Variants in PKD2L2 observed in about 807,000 individuals in gnomAD.
PKD2L2 encodes the protein polycystin-2-like protein 2.
PKD2L2 carries 67 observed loss-of-function variants against 83.9 expected under a neutral mutation model. The ratio of observed to expected loss-of-function variants is 0.80; its 90% CI spans 0.66 to 0.98. The LOEUF (loss-of-function observed/expected upper bound fraction) is 0.98. Ranked by LOEUF, PKD2L2 falls within the 50% of genes least tolerant of loss-of-function variation. The pLI, the probability that PKD2L2 is intolerant of heterozygous loss-of-function variation, is 0.00. For missense variants in PKD2L2, 632 were observed against 717.2 expected (o/e 0.88, Z 1.36); for synonymous variants, 223 against 237.8 (o/e 0.94, Z 0.57).
chr5:137,925,153 A>G, intron 11 of PKD2L2, 49 bp downstream of exon 11: 2 of 1,111,738 alleles, frequency 1.8e-6, no homozygotes, highest in Admixed American at 1.8e-5. Context: ...AAAGTTCCAC[A>G]TTATATGAGA....
At chr5:137,940,321 T>G (rs767602915) in intron 14 of PKD2L2, 2 of 1,606,092 alleles carry the variant, frequency 1.2e-6, no homozygotes, top group Non-Finnish European at 1.7e-6. Context: ...CCTCAAGCAC[T>G]GGAACACGAT....
At position 137,906,763 on chromosome 5, in the gene PKD2L2, G is replaced by A. The variant is rs1757405350; in HGVS notation, c.975+329G>A. On this transcript the variant is annotated intron_variant, in intron 6 of 14. Coordinates refer to ENST00000508883, the MANE Select transcript of PKD2L2 (RefSeq NM_001300921.2). Reference sequence around the variant, plus strand: ...CAGGGCCTTGAGTTTCACCAGTCACGGGTCTTTGGGGGCAAGGTTGTTTAA... The same window carrying A: ...CAGGGCCTTGAGTTTCACCAGTCACAGGTCTTTGGGGGCAAGGTTGTTTAA... Among the ~76,000 whole-genome samples the A allele has an allele frequency of 7.9e-5, 6 of 76,212 alleles. No individual in the cohort carries two copies. The Admixed American group carries it at 9.3e-4, about 12-fold the overall frequency. 50.0% of individuals were successfully genotyped at this position (76,212 alleles called of 152,430 possible).
rs745408669 is a variant in PKD2L2 at position 137,923,452 on chromosome 5, T to C, written c.1482T>C (p.Tyr494=). Residue 494 remains tyrosine, a synonymous_variant, in exon 10 of 15, where the codon TAT becomes TAC. Coordinates refer to ENST00000508883, the MANE Select transcript of PKD2L2 (RefSeq NM_001300921.2). ...TCTTGGCAATTATTAATGATACCTA[T>C]TCTGAAGTGAAAGCTGACTATTCAA... ...NMFLAIINDT[Y]SEVKADYSIG... The C allele has an allele frequency of 7.1e-6, 11 of 1,544,164 alleles. No individual in the cohort carries two copies. Among genetic ancestry groups the C allele is most frequent in the Non-Finnish European group, 8.1e-6 (9 of 1,116,522 alleles).
intron 12 of PKD2L2, among the ~76,000 whole-genome samples, chr5:137,926,908 T>C (rs192311362): frequency 3.3e-5 from 5 of 152,316 alleles, no homozygotes; most frequent in Non-Finnish European, 5.9e-5. Context: ...TGGTGTACTT[T>C]GGGGTCTTGG....
chr5:137,909,722 A>T (rs749110202), intron 8 of PKD2L2, among the ~76,000 whole-genome samples: 35 of 150,640 alleles, frequency 2.3e-4, no homozygotes, highest in Non-Finnish European at 4.0e-4. Context: ...TTTTGTAGAG[A>T]TAAGGTTTAG....
intron 14 of PKD2L2, chr5:137,941,894 T>A: frequency 7.0e-7 from 1 of 1,420,600 alleles, no homozygotes; most frequent in Non-Finnish European, 9.9e-7. Flanking sequence ...ATATGGTCAG[T>A]TTGTGAGTTA....
At chr5:137,892,835 C>T (rs972771829) in intron 3 of PKD2L2, among the ~76,000 whole-genome samples, 4 of 152,266 alleles carry the variant, frequency 2.6e-5, no homozygotes, top group East Asian at 1.9e-4. Context: ...TGGCCAGGCA[C>T]GGTGGCTCAT....
At chr5:137,897,569 G>A (rs1360067272) in intron 4 of PKD2L2, among the ~76,000 whole-genome samples, 1 of 152,084 alleles carries the variant, frequency 6.6e-6, no homozygotes, top group East Asian at 1.9e-4. Flanking sequence ...CTGGAATTGT[G>A]AATTAATATC....
intron 8 of PKD2L2, among the ~76,000 whole-genome samples, chr5:137,918,944 A>ATGTGTGTGTG: frequency 6.8e-6 from 1 of 146,324 alleles, no homozygotes; most frequent in East Asian, 2.0e-4. Context: ...GGCCTGCACA[A>ATGTGTGTGTG]TGTGTGTGTG....
At chr5:137,927,781 T>C (rs577078175) in intron 12 of PKD2L2, among the ~76,000 whole-genome samples, 1 of 152,314 alleles carries the variant, frequency 6.6e-6, no homozygotes, top group African/African-American at 2.4e-5. Flanking sequence ...CAGATAATTT[T>C]TGTATTTTTA....
chr5:137,926,123 C>T (rs1176235926), intron 12 of PKD2L2, among the ~76,000 whole-genome samples, 194 bp downstream of exon 12: 1 of 152,194 alleles, frequency 6.6e-6, no homozygotes, highest in African/African-American at 2.4e-5. Context: ...CTTCCTCTCT[C>T]CTACCTGTAC....
intron 5 of PKD2L2, among the ~76,000 whole-genome samples, chr5:137,902,947 A>G (rs1400771391): frequency 6.6e-6 from 1 of 152,238 alleles, no homozygotes; most frequent in East Asian, 1.9e-4. Flanking sequence ...AAAGTCTCCT[A>G]AATGATTCAG....
At chr5:137,925,571 T>A (rs750603910) in intron 11 of PKD2L2, among the ~76,000 whole-genome samples, 1 of 152,250 alleles carries the variant, frequency 6.6e-6, no homozygotes, top group Non-Finnish European at 1.5e-5. Flanking sequence ...TAAAAACATT[T>A]ACACACAATA....
At chr5:137,899,336 C>T (rs184153572) in intron 4 of PKD2L2, among the ~76,000 whole-genome samples, 180 bp from the exon 5 acceptor site, 162 of 152,246 alleles carry the variant, frequency 1.1e-3, no homozygotes, top group Admixed American at 4.7e-3. Flanking sequence ...AGGCTGGTCT[C>T]GAACTCCTGG....
chr5:137,895,900 A>G (rs1330301206), intron 4 of PKD2L2, among the ~76,000 whole-genome samples: 1 of 149,142 alleles, frequency 6.7e-6, no homozygotes, highest in Non-Finnish European at 1.5e-5. Flanking sequence ...AAAAAGGCCA[A>G]GTGTGGTGGC....
At chr5:137,900,481 T>C (rs1756861841) in intron 5 of PKD2L2, among the ~76,000 whole-genome samples, 1 of 152,234 alleles carries the variant, frequency 6.6e-6, no homozygotes, top group Admixed American at 6.5e-5. Flanking sequence ...GTTGAATTAC[T>C]TGATATGTAT....
chr5:137,927,540 A>G (rs192254275), intron 12 of PKD2L2, among the ~76,000 whole-genome samples: 28 of 152,156 alleles, frequency 1.8e-4, no homozygotes, highest in Admixed American at 1.5e-3. Flanking sequence ...TAAACTTGAA[A>G]GAGAAACAGA....
chr5:137,913,529 C>T (rs1471750977), intron 8 of PKD2L2, among the ~76,000 whole-genome samples: 5 of 145,726 alleles, frequency 3.4e-5, no homozygotes, highest in African/African-American at 1.3e-4. Context: ...CACTCTGTCA[C>T]CCAGGCTCTG....
chr5:137,895,389 T>C (rs1036839885), intron 4 of PKD2L2, among the ~76,000 whole-genome samples: 5 of 151,000 alleles, frequency 3.3e-5, no homozygotes, highest in Admixed American at 6.6e-5. Context: ...GGAGGATCAC[T>C]TGAGCCCAGG....
Sources: gnomAD v4.1 joint callset for allele counts (sites outside exome capture counted in the v4.1 genomes callset) on GRCh38, gnomAD v4.1.1 for gene constraint, MANE v1.5 for transcripts, NCBI Gene and HGNC (gene_info 2026-07-23, HGNC 2026-07-21) for gene names.